XPNPEP3: variants seen among roughly 807,000 people sequenced by gnomAD.
XPNPEP3 encodes xaa-Pro aminopeptidase 3.
In XPNPEP3, 41 loss-of-function variants were observed where a neutral mutation model predicts 60.0. The observed-to-expected ratio is 0.68, with a 90% CI of 0.53 to 0.89. The LOEUF is 0.89. Ranked by LOEUF, XPNPEP3 falls within the 40% of genes least tolerant of loss-of-function variation. The pLI is 0.00. For synonymous variants in XPNPEP3, 212 were observed against 223.2 expected (o/e 0.95, Z 0.45); for missense variants, 598 against 638.9 (o/e 0.94, Z 0.69).
intron 1 of XPNPEP3, among the ~76,000 whole-genome samples, chr22:40,865,065 CTT>C (rs2057971520): frequency 6.6e-6 from 1 of 152,192 alleles, no homozygotes; most frequent in Non-Finnish European, 1.5e-5. Context: ...TTATACCCTT[CTT>C]TGTTGATCCT....
intron 1 of XPNPEP3, chr22:40,861,326 A>G (rs778404307): frequency 3.1e-6 from 5 of 1,614,172 alleles, no homozygotes; most frequent in Non-Finnish European, 3.4e-6. Context: ...CACTATTTAC[A>G]AGAAAAAATG....
intron 7 of XPNPEP3, among the ~76,000 whole-genome samples, chr22:40,920,896 G>A (rs2058213972): frequency 6.6e-6 from 1 of 152,098 alleles, no homozygotes; most frequent in Non-Finnish European, 1.5e-5. Context: ...AGTTTCAAGC[G>A]ATTCTTCTGC....
intron 7 of XPNPEP3, chr22:40,917,103 C>T (rs2073517171): frequency 6.6e-6 from 1 of 152,262 alleles, no homozygotes; most frequent in Admixed American, 6.6e-5. Context: ...GAAAAAAACC[C>T]CACAATGACC....
chr22:40,922,696 AC>A (rs1939849994), intron 8 of XPNPEP3, among the ~76,000 whole-genome samples, 183 bp downstream of exon 8: 1 of 151,864 alleles, frequency 6.6e-6, no homozygotes, highest in Non-Finnish European at 1.5e-5. Context: ...ACATAGCAAG[AC>A]CCATCTATAT....
intron 4 of XPNPEP3, among the ~76,000 whole-genome samples, chr22:40,901,392 G>A (rs984374715): frequency 3.3e-5 from 5 of 151,902 alleles, no homozygotes; most frequent in Admixed American, 6.6e-5. Context: ...GCACCACCAC[G>A]CCCGGCTAAT....
At chr22:40,871,830 C>G (rs921775208) in intron 2 of XPNPEP3, among the ~76,000 whole-genome samples, 1 of 152,060 alleles carries the variant, frequency 6.6e-6, no homozygotes, top group Non-Finnish European at 1.5e-5. Context: ...GTCAGGAGTT[C>G]GAGACCAGCC....
chr22:40,869,075 C>G lies in XPNPEP3; in HGVS notation c.141C>G (p.Gly47=), dbSNP rs2057993105. The G allele has an allele frequency of 6.2e-7, 1 of 1,614,088 alleles. No homozygotes were observed. Among genetic ancestry groups the G allele is most frequent in the Non-Finnish European group, 8.5e-7 (1 of 1,179,952 alleles). The change falls in exon 2 of 10, where the codon GGC becomes GGG. Residue 47 remains glycine, a synonymous_variant. Transcript: ENST00000357137. ...GGAGGATTCCAAACCGATACTTAGG[C>G]CAGCCCAGCCCCTTTACACACCCAC... is the stretch of plus-strand genomic sequence containing the variant. ...PERRIPNRYL[G]QPSPFTHPHL...
chr22:40,917,566 A>T (rs2146277116), intron 7 of XPNPEP3, among the ~76,000 whole-genome samples: 1 of 151,982 alleles, frequency 6.6e-6, no homozygotes, highest in African/African-American at 2.4e-5. Context: ...AAGTGAAGGA[A>T]TTTTATGATA....
chr22:40,874,935 A>G (rs1300302144), intron 2 of XPNPEP3, among the ~76,000 whole-genome samples: 1 of 152,170 alleles, frequency 6.6e-6, no homozygotes, highest in African/African-American at 2.4e-5. Context: ...ATTCATTCAC[A>G]TCTTTATCAT....
chr22:40,913,584 G>T (rs909078814), intron 6 of XPNPEP3, among the ~76,000 whole-genome samples: 1 of 150,572 alleles, frequency 6.6e-6, no homozygotes, highest in Admixed American at 6.6e-5. Context: ...AGGCATATGG[G>T]TTTTTTTTTC....
At chr22:40,920,631 G>C (rs751375385) in intron 7 of XPNPEP3, among the ~76,000 whole-genome samples, 1 of 152,140 alleles carries the variant, frequency 6.6e-6, no homozygotes, top group Non-Finnish European at 1.5e-5. Flanking sequence ...CCCCTTCAGC[G>C]GCAACGTTGA....
intron 1 of XPNPEP3, chr22:40,859,980 A>C (rs1021616703): frequency 2.0e-5 from 3 of 152,242 alleles, no homozygotes; most frequent in Non-Finnish European, 4.4e-5. Flanking sequence ...CCTACCATAC[A>C]GACTGCTCTG....
Position 40,909,322 on chromosome 22 carries a change from C to G in XPNPEP3, c.969+87C>G. The G allele has an allele frequency of 2.9e-6, 3 of 1,034,018 alleles. No homozygotes were observed. The South Asian group carries it at 3.8e-5, about 13-fold the overall frequency. The allele number at this position is 1,034,018 out of a possible 1,614,324, so 64.1% of individuals were successfully genotyped here. On this transcript the variant is annotated intron_variant, in intron 6 of 9. Coordinates refer to ENST00000357137, the MANE Select transcript of XPNPEP3 (RefSeq NM_022098.4). ...TAACCTCATGTCCTCTCACCTTCAGCTTTCACAAATTAGCTGACATTTTAA... is the reference window on the plus strand; with the variant it reads ...TAACCTCATGTCCTCTCACCTTCAGGTTTCACAAATTAGCTGACATTTTAA...
chr22:40,860,038 A>G (rs1262235691), intron 1 of XPNPEP3: 2 of 152,206 alleles, frequency 1.3e-5, no homozygotes, highest in Non-Finnish European at 2.9e-5. Flanking sequence ...GGTAAAATAT[A>G]CTACATAAAA....
intron 2 of XPNPEP3, among the ~76,000 whole-genome samples, chr22:40,869,680 A>G (rs1266489371): frequency 6.6e-6 from 1 of 152,184 alleles, no homozygotes; most frequent in Non-Finnish European, 1.5e-5. Flanking sequence ...TTGTTTTACT[A>G]ATTTTTTTTT....
intron 1 of XPNPEP3, among the ~76,000 whole-genome samples, chr22:40,865,368 G>A (rs1018965506): frequency 3.1e-5 from 4 of 130,696 alleles, no homozygotes; most frequent in African/African-American, 1.2e-4. Context: ...CACTCTCGTT[G>A]CCCAGGCTAG....
At chr22:40,878,495 C>G (rs145854242) in intron 2 of XPNPEP3, among the ~76,000 whole-genome samples, 1 of 151,786 alleles carries the variant, frequency 6.6e-6, no homozygotes, top group Non-Finnish European at 1.5e-5. Context: ...TTAATGTATA[C>G]TGTTACTAAT....
chr22:40,869,048 AAGG>A lies in XPNPEP3; in HGVS notation c.119_121del (p.Arg40del). On this transcript the variant is annotated inframe_deletion, in exon 2 of 10. Transcript: ENST00000357137. ...GGTACTCCCTTCAGCCTGTCCCAGA[AAGG>A]AGGATTCCAAACCGATACTTAGGCC... 1 of 1,614,118 alleles carries A rather than the reference AAGG, an allele frequency of 6.2e-7. No individual in the cohort carries two copies. The highest frequency in any genetic ancestry group is 1.1e-5 in the South Asian group (1 of 91,082).
chr22:40,868,940 A>G, intron 1 of XPNPEP3, 59 bp from the exon 2 acceptor site: 7 of 1,369,738 alleles, frequency 5.1e-6, no homozygotes, highest in Non-Finnish European at 7.3e-6. Context: ...AAGTGTATTT[A>G]TACCATGAAG....
Sources: gnomAD v4.1 joint callset for allele counts (sites outside exome capture counted in the v4.1 genomes callset) on GRCh38, gnomAD v4.1.1 for gene constraint, MANE v1.5 for transcripts, NCBI Gene and HGNC (gene_info 2026-07-23, HGNC 2026-07-21) for gene names.